The following DSCAM variants were observed in gnomAD, a reference collection of about 807,000 sequenced individuals.
The protein encoded by DSCAM is DS cell adhesion molecule.
A neutral mutation model predicts 217.7 loss-of-function variants in DSCAM; 47 were observed. The ratio of observed to expected loss-of-function variants is 0.22; its 90% CI spans 0.17 to 0.28. The LOEUF is 0.28. Ranked by LOEUF, DSCAM falls within the 10% of genes least tolerant of loss-of-function variation. The pLI is 1.00. For synonymous variants in DSCAM, 1,056 were observed against 1,015.3 expected (o/e 1.04, Z -0.76); for missense variants, 2,080 against 2,618.3 (o/e 0.79, Z 4.49).
rs1348408346 is a variant in DSCAM, at chr21:40,357,958, A to G, written c.656-4215T>C. ...TACACTAGAGTGGAATATTGAAGAT[A>G]TTAGAAAGTACTATGAAAAAATAGC... On this transcript the variant is annotated intron_variant, in intron 4 of 32. Transcript: ENST00000400454. Among the ~76,000 whole-genome samples the G allele has an allele frequency of 1.3e-4, 20 of 152,222 alleles. 1 individual carries two copies.
intron 2 of DSCAM, among the ~76,000 whole-genome samples, chr21:40,700,585 C>T (rs917642278): frequency 3.9e-5 from 6 of 152,050 alleles, no homozygotes; most frequent in African/African-American, 1.4e-4. Flanking sequence ...AGAATTTTTA[C>T]ATGTATAGTC....
rs188150298 is a variant in DSCAM at position 40,111,043 on chromosome 21, C to T, written c.3696+13152G>A. Among the ~76,000 whole-genome samples, 232 of 152,220 alleles carry T rather than the reference C, an allele frequency of 1.5e-3. 1 individual carries two copies. Among genetic ancestry groups the T allele is most frequent in the African/African-American group, 4.8e-3 (199 of 41,528 alleles). On this transcript the variant is annotated intron_variant, in intron 20 of 32. Coordinates refer to ENST00000400454, the MANE Select transcript of DSCAM (RefSeq NM_001389.5). ...CAATCTAGCAAGGCAGGCCAACATT[C>T]AAATTCAGGAAATACAGAGAACACC...
chr21:40,115,158 C>A lies in DSCAM; in HGVS notation c.3696+9037G>T, dbSNP rs188582119. On this transcript the variant is annotated intron_variant, in intron 20 of 32. Coordinates refer to ENST00000400454, the MANE Select transcript of DSCAM (RefSeq NM_001389.5). Reference sequence around the variant, plus strand: ...TATTCACAATAGCAAAGACTTGGAACCAACCTAAATGTCCAGCAATGATAG... The same window carrying A: ...TATTCACAATAGCAAAGACTTGGAAACAACCTAAATGTCCAGCAATGATAG... 8.9e-3 allele frequency among the ~76,000 whole-genome samples: 1,348 copies of A among 152,194 alleles called. 20 individuals are homozygous for A. The highest frequency in any genetic ancestry group is 0.031 in the African/African-American group (1,289 of 41,502).
chr21:40,845,540 C>CCTCTCTCT (rs71332310), intron 1 of DSCAM, among the ~76,000 whole-genome samples: 12,426 of 138,744 alleles, frequency 0.09, 602 homozygotes, highest in Middle Eastern at 0.11. Context: ...CTCTTCTTCT[C>CCTCTCTCT]CTCTCTCTCT....
At position 40,312,159 on chromosome 21, in the gene DSCAM, T is replaced by G; in HGVS notation, c.1984A>C (p.Met662Leu). 6.2e-7 allele frequency: 1 copy of G among 1,614,092 alleles called. No homozygotes were observed. The highest frequency in any genetic ancestry group is 8.5e-7 in the Non-Finnish European group (1 of 1,180,004). ...ATGCAGGTGTAATTCCCATTGTGCA[T>G]GAGCGAGAGATTGGAAATCCTCAAG... The part of the protein sequence containing the change: ...SSLRISNLSL[M>L]HNGNYTCIAR... Residue 662 changes from methionine to leucine, a missense_variant, in exon 9 of 33, where the codon ATG (methionine) becomes CTG (leucine). Transcript: ENST00000400454.
intron 3 of DSCAM, among the ~76,000 whole-genome samples, chr21:40,476,847 T>C (rs1329463871): frequency 6.6e-6 from 1 of 151,978 alleles, no homozygotes; most frequent in East Asian, 1.9e-4. Context: ...CAATTAACCA[T>C]GAACTGCCAA....
chr21:40,184,791 C>G (rs774522765), intron 14 of DSCAM, among the ~76,000 whole-genome samples: 1 of 151,976 alleles, frequency 6.6e-6, no homozygotes, highest in Non-Finnish European at 1.5e-5. Flanking sequence ...TTGGGAAACT[C>G]CTGGGTAAGA....
At chr21:40,624,082 TC>T (rs1349057158) in intron 3 of DSCAM, among the ~76,000 whole-genome samples, 1 of 152,214 alleles carries the variant, frequency 6.6e-6, no homozygotes, top group East Asian at 1.9e-4. Flanking sequence ...TTCCAGGTTA[TC>T]TTACCCAGGG....
intron 3 of DSCAM, among the ~76,000 whole-genome samples, chr21:40,498,403 G>A (rs920791118): frequency 5.9e-5 from 9 of 151,682 alleles, no homozygotes; most frequent in Non-Finnish European, 1.3e-4. Flanking sequence ...CACAGTGGCT[G>A]GCCCATGGGC....
At chr21:40,052,420 G>A (rs1481455607) in intron 29 of DSCAM, among the ~76,000 whole-genome samples, 1 of 152,088 alleles carries the variant, frequency 6.6e-6, no homozygotes, top group Non-Finnish European at 1.5e-5. Context: ...TTTGAACTCT[G>A]GATTTATGTG....
intron 3 of DSCAM, among the ~76,000 whole-genome samples, chr21:40,548,507 A>ATAT: frequency 1.2e-5 from 1 of 85,350 alleles, no homozygotes; most frequent in Non-Finnish European, 2.7e-5. Context: ...AACCAGTAAA[A>ATAT]AAAAAAATAT....
chr21:40,505,205 TAC>T (rs375100210), intron 3 of DSCAM, among the ~76,000 whole-genome samples: 334 of 152,300 alleles, frequency 2.2e-3, no homozygotes, highest in African/African-American at 7.6e-3. Context: ...ACTCACACAG[TAC>T]AGAGACTCAA....
intron 16 of DSCAM, among the ~76,000 whole-genome samples, chr21:40,151,127 C>A (rs766773768): frequency 1.4e-4 from 21 of 152,168 alleles, no homozygotes; most frequent in African/African-American, 2.2e-4. Flanking sequence ...ACTAATGCCT[C>A]CTGGGTGTTG....
At chr21:40,123,028 T>C (rs1439086217) in intron 20 of DSCAM, among the ~76,000 whole-genome samples, 2 of 152,204 alleles carry the variant, frequency 1.3e-5, no homozygotes, top group East Asian at 3.9e-4. Context: ...TCATGTCAAG[T>C]GAAACGAGCT....
intron 3 of DSCAM, among the ~76,000 whole-genome samples, chr21:40,464,774 C>T (rs1054405809): frequency 9.3e-5 from 14 of 150,584 alleles, no homozygotes; most frequent in African/African-American, 3.4e-4. Flanking sequence ...CAGAGTCTCG[C>T]TCTGTTGCCA....
At chr21:40,830,181 T>C (rs1358419413) in intron 1 of DSCAM, among the ~76,000 whole-genome samples, 2 of 152,176 alleles carry the variant, frequency 1.3e-5, no homozygotes, top group Non-Finnish European at 2.9e-5. Context: ...ACTCAGCTTC[T>C]AAGAAAGCCT....
intron 16 of DSCAM, among the ~76,000 whole-genome samples, chr21:40,157,140 G>A (rs1270590674): frequency 2.0e-5 from 3 of 152,180 alleles, no homozygotes. Context: ...TGAAAATTAT[G>A]TGAACTTCAA....
intron 3 of DSCAM, among the ~76,000 whole-genome samples, chr21:40,689,104 A>T (rs951115995): frequency 1.5e-4 from 23 of 152,220 alleles, no homozygotes; most frequent in African/African-American, 5.3e-4. Flanking sequence ...AGGAAAATAA[A>T]CTACTCATTT....
chr21:40,046,460 T>C (rs1354895811), intron 30 of DSCAM, among the ~76,000 whole-genome samples: 1 of 145,146 alleles, frequency 6.9e-6, no homozygotes, highest in Non-Finnish European at 1.5e-5. Context: ...ATGAGTTATG[T>C]TGGAGCTCTA....
Sources: allele counts gnomAD v4.1 joint callset (sites outside exome capture counted in the v4.1 genomes callset), GRCh38; gene constraint gnomAD v4.1.1; transcripts MANE v1.5; gene names NCBI Gene and HGNC (gene_info 2026-07-23, HGNC 2026-07-21).